Variants in USP13 observed in about 807,000 individuals in gnomAD.
The protein encoded by USP13 is ubiquitin specific peptidase 13.
Under a neutral mutation model 107.8 loss-of-function variants are expected in USP13, and 68 were observed. That is an observed-to-expected ratio of 0.63 (90% CI 0.52 to 0.77). The LOEUF is 0.77. USP13 is among the 30% of genes least tolerant of loss of function. The pLI is 0.00. For missense variants in USP13, 945 were observed against 1,093.3 expected (o/e 0.86, Z 1.91); for synonymous variants, 377 against 389.5 (o/e 0.97, Z 0.38).
At position 179,653,308 on chromosome 3, in the gene USP13, T is replaced by C; in HGVS notation, c.83T>C (p.Leu28Pro). 1 of 1,577,646 alleles carries C rather than the reference T, an allele frequency of 6.3e-7. No individual in the cohort carries two copies. The highest frequency in any genetic ancestry group is 8.6e-7 in the Non-Finnish European group (1 of 1,162,312). ...KMAAGDIGEL[L>P]VPHMPTIRVP... ...GCTGCAGGAGACATCGGCGAGCTGC[T>C]AGTGCCCCACATGCCCACGATCCGC... Residue 28 changes from leucine to proline, a missense_variant, in exon 1 of 21, where the codon CTA (leucine) becomes CCA (proline). Physicochemically the swap from Leu to Pro is moderately conservative, Grantham distance 98. Coordinates refer to ENST00000263966, the MANE Select transcript of USP13 (RefSeq NM_003940.3). The surrounding 1 kb of genome is among the most constrained non-coding windows in gnomAD (Gnocchi z 4.0).
intron 13 of USP13, 136 bp downstream of exon 13, chr3:179,745,353 A>C: frequency 9.2e-7 from 1 of 1,092,208 alleles, no homozygotes; most frequent in Middle Eastern, 3.0e-4. Flanking sequence ...ATTATGGTTC[A>C]CACACCCTAA....
intron 11 of USP13, among the ~76,000 whole-genome samples, chr3:179,741,590 C>G (rs1714202500): frequency 6.6e-6 from 1 of 151,952 alleles, no homozygotes; most frequent in African/African-American, 2.4e-5. Flanking sequence ...CTCCTGACCT[C>G]AGATGATCCA....
intron 16 of USP13, among the ~76,000 whole-genome samples, chr3:179,759,923 C>T (rs988217852): frequency 1.5e-4 from 23 of 152,152 alleles, no homozygotes; most frequent in East Asian, 9.7e-4. Context: ...CCACCTGCCT[C>T]GGCCTCCCAA....
chr3:179,750,205 C>T (rs940568422), intron 13 of USP13, among the ~76,000 whole-genome samples: 7 of 151,010 alleles, frequency 4.6e-5, no homozygotes, highest in African/African-American at 1.5e-4. Flanking sequence ...GCAGAGGTTG[C>T]AGTGACCCGA....
chr3:179,761,314 G>A (rs920520061), intron 17 of USP13, 59 bp downstream of exon 17: 350 of 1,594,204 alleles, frequency 2.2e-4, no homozygotes, highest in Non-Finnish European at 2.1e-4. Context: ...GTGATGCTGA[G>A]TCCTGGTCCT....
chr3:179,751,348 C>T (rs1714603645), intron 13 of USP13, among the ~76,000 whole-genome samples: 1 of 152,156 alleles, frequency 6.6e-6, no homozygotes, highest in African/African-American at 2.4e-5. Flanking sequence ...TTTTTGGATA[C>T]TTATCCCATA....
At position 179,653,524 on chromosome 3, in the gene USP13, T is replaced by C. The variant is rs571984710; in HGVS notation, c.168+131T>C. ...GGCGGCAGAGTTGGCTCAGGAACAC[T>C]GCAGTTCGGCAGACACTTAGTGAGC... On this transcript the variant is annotated intron_variant, in intron 1 of 20. Coordinates refer to ENST00000263966, the MANE Select transcript of USP13 (RefSeq NM_003940.3). This position sits in a 1 kb window ranked among gnomAD's most constrained non-coding sequence, Gnocchi z 4.0. 2.8e-5 allele frequency: 36 copies of C among 1,293,084 alleles called. No individual in the cohort carries two copies. In the African/African-American group the frequency reaches 5.1e-4, roughly 18 times the overall value. The allele number at this position is 1,293,084 out of a possible 1,614,324, so 80.1% of individuals were successfully genotyped here. A position where few individuals can be genotyped will look rare whatever the true frequency, so the allele number is the denominator to read the frequency against.
intron 2 of USP13, among the ~76,000 whole-genome samples, chr3:179,682,377 G>T (rs1384942594): frequency 1.1e-5 from 1 of 87,186 alleles, no homozygotes; most frequent in African/African-American, 3.1e-5. Context: ...TTTAGTATAA[G>T]AAATAGAGCT....
intron 17 of USP13, among the ~76,000 whole-genome samples, chr3:179,762,893 T>C (rs1715053977): frequency 6.6e-6 from 1 of 152,210 alleles, no homozygotes; most frequent in African/African-American, 2.4e-5. Context: ...ATATCATCAC[T>C]AACCCTTATT....
intron 10 of USP13, among the ~76,000 whole-genome samples, chr3:179,731,889 TC>T (rs1379149868): frequency 6.6e-6 from 1 of 152,198 alleles, no homozygotes; most frequent in African/African-American, 2.4e-5. Flanking sequence ...CTTAAGGCAG[TC>T]CTTCTTAGCC....
At chr3:179,754,598 C>A in intron 14 of USP13, 134 bp from the exon 15 acceptor site, 3 of 1,211,778 alleles carry the variant, frequency 2.5e-6, no homozygotes, top group Non-Finnish European at 3.3e-6. Flanking sequence ...ACCTGCTGGT[C>A]GAGCAACATA....
At chr3:179,732,926 C>G (rs1713858279) in intron 10 of USP13, among the ~76,000 whole-genome samples, 1 of 152,094 alleles carries the variant, frequency 6.6e-6, no homozygotes, top group African/African-American at 2.4e-5. Flanking sequence ...AGGTATGTGA[C>G]CTGGAAGCAC....
intron 6 of USP13, among the ~76,000 whole-genome samples, chr3:179,713,635 G>A (rs578143209): frequency 6.6e-6 from 1 of 151,982 alleles, no homozygotes; most frequent in Non-Finnish European, 1.5e-5. Flanking sequence ...TCAAAGTCAG[G>A]GCATTTGTTT....
chr3:179,773,321 A>G (rs896234484), intron 19 of USP13, among the ~76,000 whole-genome samples: 1 of 152,212 alleles, frequency 6.6e-6, no homozygotes, highest in Non-Finnish European at 1.5e-5. Flanking sequence ...ATGAGAACCC[A>G]GTTTTTCTCA....
At position 179,742,476 on chromosome 3, in the gene USP13, G is replaced by T; in HGVS notation, c.1534+126G>T. On this transcript the variant is annotated intron_variant, in intron 12 of 20. Coordinates refer to ENST00000263966, the MANE Select transcript of USP13 (RefSeq NM_003940.3). This position sits in a 1 kb window ranked among gnomAD's most constrained non-coding sequence, Gnocchi z 5.0. ...ACCCAGCCCAGGTGATGTCTGCTTT[G>T]CACATCTCTTTTCATCTCTTTGTTA... The T allele has an allele frequency of 8.6e-7, 1 of 1,169,326 alleles. No individual in the cohort carries two copies. Among genetic ancestry groups the T allele is most frequent in the South Asian group, 1.6e-5 (1 of 64,288 alleles). The allele number at this position is 1,169,326 out of a possible 1,614,324, so 72.4% of individuals were successfully genotyped here. A position where few individuals can be genotyped will look rare whatever the true frequency, so the allele number is the denominator to read the frequency against.
intron 1 of USP13, among the ~76,000 whole-genome samples, chr3:179,663,209 T>A (rs1245519754): frequency 6.6e-6 from 1 of 152,216 alleles, no homozygotes; most frequent in Non-Finnish European, 1.5e-5. Flanking sequence ...ATTTGGCCAC[T>A]CTAGGTACTT....
chr3:179,716,872 T>C (rs1713129677), intron 6 of USP13, among the ~76,000 whole-genome samples: 1 of 152,210 alleles, frequency 6.6e-6, no homozygotes, highest in African/African-American at 2.4e-5. Context: ...CTAGCATGCT[T>C]GTCACAAAAG....
intron 8 of USP13, among the ~76,000 whole-genome samples, chr3:179,725,298 G>GT (rs11438087): frequency 0.033 from 4,995 of 151,712 alleles, 268 homozygotes; most frequent in African/African-American, 0.11. Context: ...TTTCCAGTGA[G>GT]TTTTTTTTTG....
chr3:179,689,116 C>T (rs1712008068), intron 2 of USP13, among the ~76,000 whole-genome samples: 1 of 152,200 alleles, frequency 6.6e-6, no homozygotes. Context: ...AGAAAATGTG[C>T]AGCAAGGTCT....
Sources: gnomAD v4.1 joint callset for allele counts (sites outside exome capture counted in the v4.1 genomes callset) on GRCh38, gnomAD v4.1.1 for gene constraint, Gnocchi (gnomAD v3.1) non-coding constraint, MANE v1.5 for transcripts, NCBI Gene and HGNC (gene_info 2026-07-23, HGNC 2026-07-21) for gene names.